TLL2: variants seen among roughly 807,000 people sequenced by gnomAD.
TLL2 encodes tolloid-like protein 2.
Under a neutral mutation model 123.0 loss-of-function variants are expected in TLL2, and 106 were observed. The ratio of observed to expected loss-of-function variants is 0.86; its 90% CI spans 0.74 to 1.01. TLL2 has a LOEUF of 1.01. Among genes scored for constraint, TLL2 ranks in the 50% least tolerant of loss-of-function variants. The pLI is 0.00. For missense variants in TLL2, 1,332 were observed against 1,336.7 expected, an observed-to-expected ratio of 1.00 and a Z score of 0.06; for synonymous variants, 494 against 516.8, an observed-to-expected ratio of 0.96 and a Z score of 0.60.
intron 1 of TLL2, among the ~76,000 whole-genome samples, chr10:96,493,692 C>T (rs906271321): frequency 6.6e-6 from 1 of 152,112 alleles, no homozygotes; most frequent in Non-Finnish European, 1.5e-5. Flanking sequence ...TCTGGTATAG[C>T]ACTTTACAGT....
At chr10:96,394,238 G>C (rs371610512) in intron 13 of TLL2, among the ~76,000 whole-genome samples, 1 of 152,174 alleles carries the variant, frequency 6.6e-6, no homozygotes, top group Non-Finnish European at 1.5e-5. Flanking sequence ...CTGGGGAAGT[G>C]GGGTCACTGA....
rs1554939631 is a variant in TLL2 at position 96,476,241 on chromosome 10, T to TATATATATTC, written c.286+4107_286+4108insGAATATATAT. Among the ~76,000 whole-genome samples the TATATATATTC allele has an allele frequency of 1.1e-3, 78 of 72,246 alleles. 1 individual carries two copies. Among genetic ancestry groups the TATATATATTC allele is most frequent in the Middle Eastern group, 8.8e-3 (1 of 114 alleles). 47.4% of individuals were successfully genotyped at this position (72,246 alleles called of 152,430 possible). On this transcript the variant is annotated intron_variant, in intron 2 of 20. Transcript: ENST00000357947. Reference sequence around the variant, plus strand: ...TTATATGTATATATATATATATATATTTTATTTTTGTTGTTGTTGTTGTTG... The same window carrying TATATATATTC: ...TTATATGTATATATATATATATATATATATATATTCTTTATTTTTGTTGTTGTTGTTGTTG...
chr10:96,421,933 C>T (rs1327678493), intron 6 of TLL2, among the ~76,000 whole-genome samples: 3 of 152,276 alleles, frequency 2.0e-5, no homozygotes, highest in African/African-American at 7.2e-5. Context: ...AAGTTCAATC[C>T]TAAATAGCTC....
rs561915574 is a variant in TLL2 at position 96,420,725 on chromosome 10, G to A, written c.923+231C>T. On this transcript the variant is annotated intron_variant, in intron 7 of 20. Transcript: ENST00000357947. Reference sequence around the variant, plus strand: ...TTCCCTTTTCCAGTTTGCTGCTTGTGACATTAGGGCATGATGGAATGCTAG... The same window carrying A: ...TTCCCTTTTCCAGTTTGCTGCTTGTAACATTAGGGCATGATGGAATGCTAG... Among the ~76,000 whole-genome samples, 10 of 152,288 alleles carry A rather than the reference G, an allele frequency of 6.6e-5. No individual in the cohort carries two copies. In the East Asian group the frequency reaches 1.9e-3, roughly 29 times the overall value.
intron 2 of TLL2, among the ~76,000 whole-genome samples, chr10:96,459,847 G>A (rs4589222): frequency 0.39 from 57,683 of 148,748 alleles, 11,404 homozygotes; most frequent in Middle Eastern, 0.5. Flanking sequence ...TGAAATAGAT[G>A]GTACTGAGAT....
At chr10:96,487,364 C>T (rs35074999) in intron 1 of TLL2, among the ~76,000 whole-genome samples, 25,871 of 152,112 alleles carry the variant, frequency 0.17, 2,544 homozygotes, top group East Asian at 0.43. Context: ...CCCTGCAAAA[C>T]TCAACTCAGC....
Position 96,479,143 on chromosome 10 carries a change from TA to T in TLL2, c.286+1205del, listed in dbSNP as rs776913534. Among the ~76,000 whole-genome samples the T allele has an allele frequency of 1.3e-3, 204 of 152,312 alleles. 2 individuals carry two copies. Among genetic ancestry groups the T allele is most frequent in the Non-Finnish European group, 1.6e-3 (111 of 68,024 alleles). On this transcript the variant is annotated intron_variant, in intron 2 of 20. Transcript: ENST00000357947. ...ATTAAAAATAATTGAAAACTCCATT[TA>T]AAATGTGAATAGAATTTCAAACCTT...
intron 16 of TLL2, among the ~76,000 whole-genome samples, chr10:96,383,609 CTTCATTTTTTATTT>C (rs1564895194): frequency 6.8e-6 from 1 of 148,114 alleles, no homozygotes; most frequent in Non-Finnish European, 1.5e-5. Flanking sequence ...ACCTCTTTTT[CTTCATTTTTTATTT>C]TTTATTTTTT....
intron 2 of TLL2, among the ~76,000 whole-genome samples, chr10:96,448,445 G>A (rs1846921676): frequency 1.1e-5 from 1 of 89,030 alleles, no homozygotes; most frequent in Non-Finnish European, 2.4e-5. Context: ...GAACTCGGGT[G>A]TTAGTATTTT....
At chr10:96,415,815 G>A (rs944643026) in intron 7 of TLL2, among the ~76,000 whole-genome samples, 2 of 89,732 alleles carry the variant, frequency 2.2e-5, no homozygotes, top group African/African-American at 4.7e-5. Context: ...CACTACATTA[G>A]AAAATACCTA....
intron 1 of TLL2, among the ~76,000 whole-genome samples, chr10:96,484,823 A>G (rs1385392533): frequency 1.3e-5 from 2 of 152,184 alleles, no homozygotes; most frequent in African/African-American, 4.8e-5. Context: ...TGTCCATATT[A>G]CAAAATCTAT....
chr10:96,424,320 A>G (rs1401600323), intron 5 of TLL2, among the ~76,000 whole-genome samples: 5 of 152,300 alleles, frequency 3.3e-5, no homozygotes, highest in Admixed American at 3.3e-4. Flanking sequence ...GTGTAACTGG[A>G]TTGTTTGTAA....
At chr10:96,373,209 C>G in intron 19 of TLL2, 1 of 235,616 alleles carries the variant, frequency 4.2e-6, no homozygotes, top group Non-Finnish European at 8.4e-6. Context: ...ATGGCACGAT[C>G]TTGGCTCACT....
intron 1 of TLL2, among the ~76,000 whole-genome samples, chr10:96,483,288 A>G (rs1847328615): frequency 6.6e-6 from 1 of 152,230 alleles, no homozygotes; most frequent in African/African-American, 2.4e-5. Context: ...AGGACCTCCC[A>G]GAGTGTGGAG....
intron 4 of TLL2, among the ~76,000 whole-genome samples, chr10:96,432,401 T>C (rs1386334551): frequency 1.3e-5 from 2 of 152,014 alleles, no homozygotes; most frequent in Non-Finnish European, 2.9e-5. Flanking sequence ...GAACACTGCT[T>C]GTAGGTGGTG....
chr10:96,475,282 T>A lies in TLL2; in HGVS notation c.286+5067A>T, dbSNP rs1034257013. On this transcript the variant is annotated intron_variant, in intron 2 of 20. Transcript: ENST00000357947. Reference sequence around the variant, plus strand: ...TGTGAATCCTAAAGCTGTCAGTGGCTTTTTGTGGACACTGCAGTGCACTAA... The same window carrying A: ...TGTGAATCCTAAAGCTGTCAGTGGCATTTTGTGGACACTGCAGTGCACTAA... 1.1e-3 allele frequency among the ~76,000 whole-genome samples: 170 copies of A among 152,346 alleles called. 1 individual carries two copies. Among genetic ancestry groups the A allele is most frequent in the African/African-American group, 4.0e-3 (168 of 41,588 alleles).
chr10:96,432,699 GTCCCTAACATCTGCTCCA>G, intron 4 of TLL2, 90 bp downstream of exon 4: 1 of 1,410,254 alleles, frequency 7.1e-7, no homozygotes, highest in Non-Finnish European at 9.6e-7. Flanking sequence ...GCCTGCTGTG[GTCCCTAACATCTGCTCCA>G]TCCCACCCGG....
chr10:96,389,403 G>C (rs938564263), intron 13 of TLL2, among the ~76,000 whole-genome samples: 3 of 152,212 alleles, frequency 2.0e-5, no homozygotes, highest in African/African-American at 7.2e-5. Context: ...GCAGTGAAAA[G>C]ATAAGGTTCC....
chr10:96,370,862 T>A (rs1846075903), intron 19 of TLL2, among the ~76,000 whole-genome samples: 1 of 152,188 alleles, frequency 6.6e-6, no homozygotes, highest in African/African-American at 2.4e-5. Flanking sequence ...ATAGGCCAAC[T>A]TTGAGGTCCC....
Sources: allele counts gnomAD v4.1 joint callset (sites outside exome capture counted in the v4.1 genomes callset), GRCh38; gene constraint gnomAD v4.1.1; transcripts MANE v1.5; gene names NCBI Gene and HGNC (gene_info 2026-07-23, HGNC 2026-07-21).